Variants in MED12L observed in about 807,000 individuals in gnomAD.
MED12L encodes mediator complex subunit 12L, also known as mediator of RNA polymerase II transcription subunit 12-like protein.
MED12L carries 60 observed loss-of-function variants against 281.3 expected under a neutral mutation model. The observed-to-expected ratio is 0.21, with a 90% CI of 0.17 to 0.26. The LOEUF is 0.26. Ranked by LOEUF, MED12L falls within the 10% of genes least tolerant of loss-of-function variation. MED12L has a pLI of 1.00. For synonymous variants in MED12L, 974 were observed against 987.2 expected (o/e 0.99, Z 0.25); for missense variants, 2,146 against 2,680.9 (o/e 0.80, Z 4.41).
intron 16 of MED12L, among the ~76,000 whole-genome samples, chr3:151,335,835 A>G (rs1750909089): frequency 6.6e-6 from 1 of 152,222 alleles, no homozygotes; most frequent in African/African-American, 2.4e-5. Context: ...TCCATGGCAT[A>G]TATACATACT....
Position 151,413,650 on chromosome 3 carries a change from CA to C in MED12L, c.6297+361del, listed in dbSNP as rs1400247574. Reference sequence around the variant, plus strand: ...TTTAAAAGTGTCATAAATGTGAAAACAAAAAACTGAGCCATCCAGAGCTTTC... The same window carrying C: ...TTTAAAAGTGTCATAAATGTGAAAACAAAAACTGAGCCATCCAGAGCTTTC... On this transcript the variant is annotated intron_variant, in intron 42 of 44. Coordinates refer to ENST00000687756, the MANE Select transcript of MED12L (RefSeq NM_001393769.1). 2.6e-5 allele frequency among the ~76,000 whole-genome samples: 4 copies of C among 152,174 alleles called. No homozygotes were observed. In the East Asian group the frequency reaches 7.7e-4, roughly 29 times the overall value.
chr3:151,278,694 G>C (rs1457229066), intron 16 of MED12L, among the ~76,000 whole-genome samples: 1 of 152,142 alleles, frequency 6.6e-6, no homozygotes, highest in Non-Finnish European at 1.5e-5. Context: ...TCAACATGTG[G>C]TATGAGGTGG....
At position 151,436,638 on chromosome 3, in the gene MED12L, T is replaced by A; in HGVS notation, c.*3834T>A. On this transcript the variant is annotated 3_prime_UTR_variant, in exon 45 of 45. Coordinates refer to ENST00000687756, the MANE Select transcript of MED12L (RefSeq NM_001393769.1). ...GCCTATGGCTGCCTTTGATTAAACT[T>A]CTTCCAAAAAATAAATTCTGCCCAG... The A allele has an allele frequency of 1.5e-6, 2 of 1,352,566 alleles. No individual in the cohort carries two copies. Among genetic ancestry groups the A allele is most frequent in the Non-Finnish European group, 2.0e-6 (2 of 982,504 alleles). The allele number at this position is 1,352,566 out of a possible 1,614,324, so 83.8% of individuals were successfully genotyped here.
rs1742024275 is a variant in MED12L at position 151,277,221 on chromosome 3, T to TC, written c.2251-72836dup. Among the ~76,000 whole-genome samples, 3 of 151,950 alleles carry TC rather than the reference T, an allele frequency of 2.0e-5. No individual in the cohort carries two copies. In the South Asian group the frequency reaches 6.2e-4, roughly 31 times the overall value. On this transcript the variant is annotated intron_variant, in intron 16 of 44. Transcript: ENST00000687756. Reference sequence around the variant, plus strand: ...GCCTGGCCTCCTTGTTTTTTTTTTTTCCAGACATGACAATATAGAGTTCAT... The same window carrying TC: ...GCCTGGCCTCCTTGTTTTTTTTTTTTCCCAGACATGACAATATAGAGTTCAT...
chr3:151,196,259 C>G (rs1359203125), intron 16 of MED12L, among the ~76,000 whole-genome samples: 1 of 152,142 alleles, frequency 6.6e-6, no homozygotes, highest in Non-Finnish European at 1.5e-5. Context: ...TTTTTAATAG[C>G]CTTCCACCAC....
At chr3:151,161,086 G>A (rs982022956) in intron 8 of MED12L, among the ~76,000 whole-genome samples, 16 of 152,192 alleles carry the variant, frequency 1.1e-4, no homozygotes, top group African/African-American at 3.6e-4. Context: ...TGTCATCAGA[G>A]GGTTTTATGC....
chr3:151,192,522 GTTAC>G, intron 14 of MED12L, 24 bp from the exon 15 acceptor site: 2 of 1,457,854 alleles, frequency 1.4e-6, no homozygotes, highest in Non-Finnish European at 1.9e-6. Flanking sequence ...AACTTACAAT[GTTAC>G]TTTCTTTCTC....
At chr3:151,158,944 A>G (rs1719639498) in intron 7 of MED12L, 145 bp downstream of exon 7, 5 of 650,422 alleles carry the variant, frequency 7.7e-6, no homozygotes, top group Non-Finnish European at 1.1e-5. Context: ...TAACACATGA[A>G]GTGATAAAGG....
chr3:151,314,907 T>G (rs1433354563), intron 16 of MED12L, among the ~76,000 whole-genome samples: 1 of 152,188 alleles, frequency 6.6e-6, no homozygotes, highest in Non-Finnish European at 1.5e-5. Flanking sequence ...TAATATTTGG[T>G]ACAATCAGCC....
At chr3:151,131,776 A>G (rs952202247) in intron 5 of MED12L, among the ~76,000 whole-genome samples, 2 of 152,190 alleles carry the variant, frequency 1.3e-5, no homozygotes, top group Non-Finnish European at 2.9e-5. Context: ...GTTTCTACTT[A>G]AGAACGTTAT....
At chr3:151,331,966 A>G (rs1489367702) in intron 16 of MED12L, among the ~76,000 whole-genome samples, 1 of 152,172 alleles carries the variant, frequency 6.6e-6, no homozygotes, top group Non-Finnish European at 1.5e-5. Context: ...TAAGCCATAG[A>G]TAGGGTGACA....
intron 16 of MED12L, among the ~76,000 whole-genome samples, chr3:151,235,411 A>G (rs1332584723): frequency 6.6e-6 from 1 of 152,192 alleles, no homozygotes; most frequent in Non-Finnish European, 1.5e-5. Context: ...GAAAAGATCT[A>G]AAAGCAACTC....
intron 2 of MED12L, among the ~76,000 whole-genome samples, chr3:151,098,845 CG>C (rs1560043440): frequency 6.6e-6 from 1 of 152,100 alleles, no homozygotes; most frequent in African/African-American, 2.4e-5. Context: ...GCTGATAAAA[CG>C]ACATACCTGA....
chr3:151,162,896 G>A (rs1052953174), intron 8 of MED12L, among the ~76,000 whole-genome samples: 7 of 152,256 alleles, frequency 4.6e-5, no homozygotes, highest in Admixed American at 4.6e-4. Flanking sequence ...CTGTTTCCCC[G>A]TGTCTGGTTG....
intron 16 of MED12L, among the ~76,000 whole-genome samples, chr3:151,278,812 G>A (rs867649095): frequency 3.3e-5 from 5 of 152,062 alleles, no homozygotes; most frequent in Admixed American, 6.5e-5. Context: ...CTGGAAATGC[G>A]GAATTAACAG....
Position 151,293,677 on chromosome 3 carries a change from A to ACACACACAC in MED12L, c.2251-56381_2251-56380insACACACACC, listed in dbSNP as rs200041934. Among the ~76,000 whole-genome samples the ACACACACAC allele has an allele frequency of 7.4e-5, 9 of 121,350 alleles. 1 individual carries two copies. The highest frequency in any genetic ancestry group is 3.4e-4 in the African/African-American group (9 of 26,320). 79.6% of individuals were successfully genotyped at this position (121,350 alleles called of 152,430 possible). ...CACACACACACACACACACACACAC[A>ACACACACAC]CCCTCTACCTTCATTTCTATAGTGT... On this transcript the variant is annotated intron_variant, in intron 16 of 44. Coordinates refer to ENST00000687756, the MANE Select transcript of MED12L (RefSeq NM_001393769.1).
chr3:151,221,160 G>A (rs1267521474), intron 16 of MED12L, among the ~76,000 whole-genome samples: 1 of 152,210 alleles, frequency 6.6e-6, no homozygotes, highest in African/African-American at 2.4e-5. Context: ...ACTTGAGGGA[G>A]ATGATTTAGG....
At chr3:151,279,870 G>C (rs140998137) in intron 16 of MED12L, among the ~76,000 whole-genome samples, 1 of 152,340 alleles carries the variant, frequency 6.6e-6, no homozygotes, top group East Asian at 1.9e-4. Context: ...TGTTTACTCT[G>C]ACAGTCTCAA....
rs763938556 is a variant in MED12L, at chr3:151,198,460, C to T, written c.2250+4794C>T. 7.5e-6 allele frequency: 12 copies of T among 1,605,204 alleles called. No homozygotes were observed. In the Admixed American group the frequency reaches 1.0e-4, roughly 14 times the overall value. ...TATTTTCACATCTTAATTTTTCTTTCTGAGCCTTGGTCTCTTTAGGTGAGG... is the reference window on the plus strand; with the variant it reads ...TATTTTCACATCTTAATTTTTCTTTTTGAGCCTTGGTCTCTTTAGGTGAGG... On this transcript the variant is annotated intron_variant, in intron 16 of 44. Transcript: ENST00000687756.
Sources: gnomAD v4.1 joint callset for allele counts (sites outside exome capture counted in the v4.1 genomes callset) on GRCh38, gnomAD v4.1.1 for gene constraint, MANE v1.5 for transcripts, NCBI Gene and HGNC (gene_info 2026-07-23, HGNC 2026-07-21) for gene names.